CPVL: variants seen among roughly 807,000 people sequenced by gnomAD.
CPVL encodes probable serine carboxypeptidase CPVL.
A neutral mutation model predicts 63.7 loss-of-function variants in CPVL; 51 were observed. That is an observed-to-expected ratio of 0.80 (90% CI 0.64 to 1.01). The LOEUF (loss-of-function observed/expected upper bound fraction) is 1.01, where lower values mean the gene tolerates loss of function less well. Among genes scored for constraint, CPVL ranks in the 50% least tolerant of loss-of-function variants. The probability of loss-of-function intolerance (pLI) is 0.00; values close to 1 mark genes in which losing one functional copy is unlikely to be tolerated. For synonymous variants in CPVL, 195 were observed against 206.0 expected, an observed-to-expected ratio of 0.95 and a Z score of 0.46; for missense variants, 530 against 573.1, an observed-to-expected ratio of 0.92 and a Z score of 0.77.
At chr7:29,062,881 T>G (rs1782766728) in intron 11 of CPVL, among the ~76,000 whole-genome samples, 1 of 152,186 alleles carries the variant, frequency 6.6e-6, no homozygotes. Context: ...ACTGCCCTGT[T>G]TTTTGTTCAT....
At chr7:29,105,295 G>C (rs1396230249) in intron 3 of CPVL, among the ~76,000 whole-genome samples, 1 of 152,174 alleles carries the variant, frequency 6.6e-6, no homozygotes, top group Non-Finnish European at 1.5e-5. Flanking sequence ...ACGTGATCCA[G>C]ACTGTGGCAG....
At chr7:29,160,413 CT>C (rs1187037717) in intron 5 of CPVL, among the ~76,000 whole-genome samples, 2 of 152,134 alleles carry the variant, frequency 1.3e-5, no homozygotes, top group African/African-American at 4.8e-5. Context: ...TTGGTATCTC[CT>C]TTTAGTTTGG....
chr7:29,096,962 G>A (rs1201459022), intron 3 of CPVL, among the ~76,000 whole-genome samples: 1 of 145,172 alleles, frequency 6.9e-6, no homozygotes, highest in Non-Finnish European at 1.5e-5. Context: ...TCCAGCCTGG[G>A]TGACAGAGCG....
At chr7:29,189,201 C>T (rs543361094) in intron 1 of CPVL, among the ~76,000 whole-genome samples, 1 of 152,238 alleles carries the variant, frequency 6.6e-6, no homozygotes, top group Admixed American at 6.5e-5. Context: ...TCTGCCCAAC[C>T]TCAGCCTCCC....
intron 1 of CPVL, among the ~76,000 whole-genome samples, chr7:29,130,856 T>C (rs998752145): frequency 1.3e-5 from 2 of 152,340 alleles, no homozygotes; most frequent in Non-Finnish European, 2.9e-5. Context: ...CTGAAAGGCA[T>C]ATTTATCTGT....
At chr7:29,152,164 A>C (rs1474244010) in intron 5 of CPVL, among the ~76,000 whole-genome samples, 2 of 152,186 alleles carry the variant, frequency 1.3e-5, no homozygotes, top group African/African-American at 4.8e-5. Context: ...CACATCACCA[A>C]ATAAAGGAAT....
intron 5 of CPVL, among the ~76,000 whole-genome samples, chr7:29,172,377 A>G (rs966189596): frequency 1.3e-5 from 2 of 152,186 alleles, no homozygotes; most frequent in Non-Finnish European, 2.9e-5. Flanking sequence ...ACCCTTGGTT[A>G]TGATAGCATC....
chr7:29,058,003 T>C (rs1161298048), intron 11 of CPVL, among the ~76,000 whole-genome samples: 4 of 152,196 alleles, frequency 2.6e-5, no homozygotes, highest in East Asian at 3.8e-4. Context: ...TGTTGGTTAT[T>C]CTGTGTCTTT....
chr7:29,173,678 A>T (rs1194928693), intron 5 of CPVL, among the ~76,000 whole-genome samples: 2 of 151,840 alleles, frequency 1.3e-5, no homozygotes, highest in African/African-American at 4.8e-5. Context: ...ATATTTTTTT[A>T]AAAATAATGA....
intron 12 of CPVL, among the ~76,000 whole-genome samples, chr7:29,007,449 A>G (rs1200235916): frequency 6.6e-6 from 1 of 152,284 alleles, no homozygotes; most frequent in African/African-American, 2.4e-5. Flanking sequence ...AAGAGAAGGG[A>G]AAAAAACAAA....
intron 5 of CPVL, among the ~76,000 whole-genome samples, chr7:29,178,386 G>A (rs982978426): frequency 2.6e-5 from 4 of 152,036 alleles, no homozygotes; most frequent in Admixed American, 1.3e-4. Flanking sequence ...CTTCCTCTGC[G>A]TGCGGTTTCA....
intron 12 of CPVL, among the ~76,000 whole-genome samples, chr7:29,027,340 C>T (rs549653147): frequency 1.9e-4 from 29 of 151,996 alleles, no homozygotes; most frequent in Middle Eastern, 3.4e-3. Context: ...CATACCATAA[C>T]GTAATAAAGG....
intron 12 of CPVL, among the ~76,000 whole-genome samples, chr7:29,026,627 CAAAT>C (rs1433715491): frequency 6.6e-6 from 1 of 151,842 alleles, no homozygotes; most frequent in East Asian, 1.9e-4. Context: ...AGAGAAAACC[CAAAT>C]AAATAAAATC....
At chr7:29,054,193 ATT>A (rs1584114754) in intron 11 of CPVL, among the ~76,000 whole-genome samples, 1 of 152,214 alleles carries the variant, frequency 6.6e-6, no homozygotes, top group East Asian at 1.9e-4. Context: ...GAACATTAAC[ATT>A]GATAAAATAT....
intron 2 of CPVL, chr7:29,113,037 G>A (rs1389792827): frequency 4.3e-6 from 2 of 467,996 alleles, no homozygotes; most frequent in East Asian, 6.2e-5. Context: ...AAAGTTTTAA[G>A]CCTTTGGGGA....
chr7:29,019,855 T>C (rs1039585225), intron 12 of CPVL, among the ~76,000 whole-genome samples: 5 of 152,224 alleles, frequency 3.3e-5, no homozygotes, highest in African/African-American at 1.2e-4. Flanking sequence ...TTTGCCAACA[T>C]TTTAAAATCA....
chr7:29,149,113 A>C (rs578148428), upstream of CPVL, among the ~76,000 whole-genome samples: 15 of 151,722 alleles, frequency 9.9e-5, no homozygotes, highest in East Asian at 2.7e-3. Context: ...GACTGGAGCC[A>C]GCTTGGAAAG....
chr7:29,146,973 C>T (rs1389428155), upstream of CPVL: 1 of 1,550,892 alleles, frequency 6.4e-7, no homozygotes, highest in Admixed American at 2.0e-5. Context: ...AAGCTCGCAC[C>T]AAGTGCCACT....
At chr7:29,072,476 T>C in intron 7 of CPVL, 53 bp from the exon 8 acceptor site, 1 of 1,591,496 alleles carries the variant, frequency 6.3e-7, no homozygotes. Flanking sequence ...CTAGTAAAAT[T>C]AAATGTACTT....
Sources: allele counts gnomAD v4.1 joint callset (sites outside exome capture counted in the v4.1 genomes callset), GRCh38; gene constraint gnomAD v4.1.1; transcripts MANE v1.5; gene names NCBI Gene and HGNC (gene_info 2026-07-23, HGNC 2026-07-21).